KIF5A: variants seen among roughly 807,000 people sequenced by gnomAD.
KIF5A encodes the protein kinesin heavy chain isoform 5A.
A neutral mutation model predicts 141.3 loss-of-function variants in KIF5A; 35 were observed. The observed-to-expected ratio is 0.25, with a 90% CI of 0.19 to 0.33. The LOEUF (loss-of-function observed/expected upper bound fraction) is 0.33. Ranked by LOEUF, KIF5A falls within the 10% of genes least tolerant of loss-of-function variation. The probability of loss-of-function intolerance (pLI) is 1.00; values close to 1 mark genes in which losing one functional copy is unlikely to be tolerated. For missense variants in KIF5A, 861 were observed against 1,314.3 expected, an observed-to-expected ratio of 0.66 and a Z score of 5.33; for synonymous variants, 448 against 500.2, an observed-to-expected ratio of 0.90 and a Z score of 1.39.
At position 57,581,427 on chromosome 12, in the gene KIF5A, G is replaced by A. The variant is rs770895618; in HGVS notation, c.2768G>A (p.Arg923Gln). ...TTCTTTATTGCAGCCAAACCCGTCC[G>A]GCCTGGCCACTACCCAGCATCCTCA... ...GHSAQIAKPV[R>Q]PGHYPASSPT... The change falls in exon 25 of 29, where the codon CGG (arginine) becomes CAG (glutamine). Residue 923 changes from arginine (R) to glutamine (Q), a missense_variant. This residue lies in a region of KIF5A where 482 missense variants were observed against 661.3 expected (regional missense o/e 0.73). Transcript: ENST00000455537. 13 of 1,613,744 alleles carry A rather than the reference G, an allele frequency of 8.1e-6. 1 individual carries two copies. Among genetic ancestry groups the A allele is most frequent in the South Asian group, 5.5e-5 (5 of 91,080 alleles).
intron 20 of KIF5A, among the ~76,000 whole-genome samples, chr12:57,577,373 C>A (rs1301969053): frequency 6.6e-6 from 1 of 152,158 alleles, no homozygotes; most frequent in African/African-American, 2.4e-5. Context: ...AGCAGGTGGA[C>A]TGCTTGAGCT....
chr12:57,580,784 C>A (rs1882570757), intron 23 of KIF5A, among the ~76,000 whole-genome samples, 172 bp from the exon 24 acceptor site: 1 of 152,160 alleles, frequency 6.6e-6, no homozygotes, highest in Non-Finnish European at 1.5e-5. Flanking sequence ...ACAGAACAGT[C>A]CATTACATAA....
At chr12:57,569,105 AC>A (rs780140141) in intron 9 of KIF5A, 38 bp downstream of exon 9, 40 of 1,572,198 alleles carry the variant, frequency 2.5e-5, no homozygotes, top group Non-Finnish European at 3.4e-5. Flanking sequence ...CTCAAGCCAC[AC>A]CCCATCTCCT....
chr12:57,579,756 A>G (rs895631521), intron 23 of KIF5A, among the ~76,000 whole-genome samples: 9 of 152,072 alleles, frequency 5.9e-5, no homozygotes, highest in African/African-American at 1.2e-4. Context: ...ACACACACAC[A>G]TGTGTGTGCT....
At chr12:57,569,879 A>T in intron 11 of KIF5A, 108 bp from the exon 12 acceptor site, 2 of 1,426,226 alleles carry the variant, frequency 1.4e-6, no homozygotes, top group Non-Finnish European at 1.9e-6. Flanking sequence ...CAAAAGGTAG[A>T]GGGTCCACCT....
chr12:57,570,064 G>GTGAA lies in KIF5A; in HGVS notation c.1199_1202dup (p.Asp401GlufsTer2), dbSNP rs769968758. 6.2e-7 allele frequency: 1 copy of GTGAA among 1,614,110 alleles called. No homozygotes were observed. Among genetic ancestry groups the GTGAA allele is most frequent in the East Asian group, 2.2e-5 (1 of 44,896 alleles). On this transcript the variant is annotated frameshift_variant, in exon 12 of 29. Transcript: ENST00000455537. LOFTEE classifies it high-confidence loss of function. ...AGCCGAGCTCTGTGAGGAGACCCCT[G>GTGAA]TGAATGACAACTCATCCATCGTGGT... is the stretch of plus-strand genomic sequence containing the variant.
chr12:57,577,000 G>T, intron 20 of KIF5A, 138 bp downstream of exon 20: 1 of 666,962 alleles, frequency 1.5e-6, no homozygotes. Context: ...GGTAGGGACG[G>T]GACCAAAAGG....
Position 57,583,379 on chromosome 12 carries a change from G to T in KIF5A, c.*36+164G>T, listed in dbSNP as rs114224724. 5.1e-3 allele frequency among the ~76,000 whole-genome samples: 781 copies of T among 152,050 alleles called. 4 individuals carry two copies. Among genetic ancestry groups the T allele is most frequent in the African/African-American group, 0.017 (723 of 41,460 alleles). On this transcript the variant is annotated intron_variant, in intron 28 of 28. Transcript: ENST00000455537. ...CTTTCCCCTGTTGGGGGCTACACCT[G>T]TGCTGCCCCATGTAATCTGGACGTT...
At position 57,571,303 on chromosome 12, in the gene KIF5A, C is replaced by T. The variant is rs1287842332; in HGVS notation, c.1294-18C>T. The T allele has an allele frequency of 6.8e-7, 1 of 1,468,676 alleles. No homozygotes were observed. Among genetic ancestry groups the T allele is most frequent in the African/African-American group, 1.4e-5 (1 of 72,012 alleles). 91.0% of individuals were successfully genotyped at this position (1,468,676 alleles called of 1,614,324 possible). A position where few individuals can be genotyped will look rare whatever the true frequency, so the allele number is the denominator to read the frequency against. ...GAGTAGCTTCCCTTCACCTGTCTTTCCCTGTTGCCTCCAACAGGATGATGA... is the reference window on the plus strand; with the variant it reads ...GAGTAGCTTCCCTTCACCTGTCTTTTCCTGTTGCCTCCAACAGGATGATGA... On this transcript the variant is annotated intron_variant, in intron 12 of 28. Transcript: ENST00000455537.
chr12:57,580,899 G>T, intron 23 of KIF5A, 57 bp from the exon 24 acceptor site: 2 of 1,548,276 alleles, frequency 1.3e-6, no homozygotes, highest in South Asian at 2.3e-5. Flanking sequence ...TCCTCTGGGT[G>T]ACCGTCTTGG....
chr12:57,564,070 G>T, intron 3 of KIF5A, 38 bp from the exon 4 acceptor site: 1 of 1,448,094 alleles, frequency 6.9e-7, no homozygotes. Context: ...CATTCTCCCT[G>T]AGCCCCAGCT....
chr12:57,576,052 G>T (rs763928753), intron 17 of KIF5A, 35 bp from the exon 18 acceptor site: 1 of 1,605,846 alleles, frequency 6.2e-7, no homozygotes, highest in Admixed American at 1.7e-5. Flanking sequence ...AAAGAGGTAG[G>T]TTTGATGTCA....
Position 57,569,881 on chromosome 12 carries a change from G to A in KIF5A, c.1118-106G>A, listed in dbSNP as rs929370805. The A allele has an allele frequency of 2.8e-6, 4 of 1,422,824 alleles. No homozygotes were observed. The South Asian group carries it at 5.5e-5, about 20-fold the overall frequency. The allele number at this position is 1,422,824 out of a possible 1,614,324, so 88.1% of individuals were successfully genotyped here. ...CCTCCCATACTCCCAAAAGGTAGAG[G>A]GTCCACCTGGCAAGAGAGTTCAAGG... On this transcript the variant is annotated intron_variant, in intron 11 of 28. Coordinates refer to ENST00000455537, the MANE Select transcript of KIF5A (RefSeq NM_004984.4).
chr12:57,556,156 T>TC lies in KIF5A; in HGVS notation c.129+5757dup, dbSNP rs200376233. On this transcript the variant is annotated intron_variant, in intron 1 of 28. Coordinates refer to ENST00000455537, the MANE Select transcript of KIF5A (RefSeq NM_004984.4). ...AGCTCTTGGGTATCTTTTTTTTTTT[T>TC]CAGACGGAGTCTCGCTCTGTCACCC... Among the ~76,000 whole-genome samples, 462 of 151,106 alleles carry TC rather than the reference T, an allele frequency of 3.1e-3. 19 individuals are homozygous for TC. In the East Asian group the frequency reaches 0.069, roughly 22 times the overall value.
intron 1 of KIF5A, 82 bp from the exon 2 acceptor site, chr12:57,563,357 C>A: frequency 9.7e-7 from 1 of 1,029,436 alleles, no homozygotes; most frequent in Non-Finnish European, 1.5e-6. Context: ...GTGCCTTTCT[C>A]AGCTGCTGGA....
chr12:57,583,731 C>T (rs1301827647), intron 28 of KIF5A, among the ~76,000 whole-genome samples: 8 of 152,326 alleles, frequency 5.3e-5, no homozygotes, highest in East Asian at 1.9e-4. Context: ...CTTTAGGAAA[C>T]GCCCCACGAA....
At chr12:57,563,014 CT>C (rs1188702073) in intron 1 of KIF5A, among the ~76,000 whole-genome samples, 2 of 149,152 alleles carry the variant, frequency 1.3e-5, no homozygotes, top group African/African-American at 4.9e-5. Context: ...TTTTCTTCTT[CT>C]TTTTTTTTTT....
chr12:57,559,530 T>TA (rs1881848439), intron 1 of KIF5A, among the ~76,000 whole-genome samples: 1 of 152,230 alleles, frequency 6.6e-6, no homozygotes, highest in African/African-American at 2.4e-5. Flanking sequence ...TATGATGTTA[T>TA]AATTTATGAT....
At chr12:57,567,811 C>T (rs1418538492) in intron 8 of KIF5A, among the ~76,000 whole-genome samples, 193 bp downstream of exon 8, 1 of 151,880 alleles carries the variant, frequency 6.6e-6, no homozygotes, top group Non-Finnish European at 1.5e-5. Flanking sequence ...CAGGTGCCCA[C>T]CACCACGCCT....
Sources: allele counts gnomAD v4.1 joint callset (sites outside exome capture counted in the v4.1 genomes callset), GRCh38; gene constraint gnomAD v4.1.1; regional missense constraint gnomAD v4.1.1; transcripts MANE v1.5; gene names NCBI Gene and HGNC (gene_info 2026-07-23, HGNC 2026-07-21).